Variants in TMEM87A observed in about 807,000 individuals in gnomAD.
TMEM87A encodes Golgi-pH regulating cation channel.
A neutral mutation model predicts 90.0 loss-of-function variants in TMEM87A; 50 were observed. The ratio of observed to expected loss-of-function variants is 0.56; its 90% CI spans 0.44 to 0.70. The LOEUF is 0.70. TMEM87A is among the 30% of genes least tolerant of loss of function. The pLI is 0.00. For missense variants in TMEM87A, 577 were observed against 660.5 expected (o/e 0.87, Z 1.39); for synonymous variants, 226 against 226.7 (o/e 1.00, Z 0.03).
intron 15 of TMEM87A, among the ~76,000 whole-genome samples, chr15:42,226,032 T>C (rs2050585022): frequency 6.6e-6 from 1 of 152,118 alleles, no homozygotes; most frequent in Admixed American, 6.5e-5. Flanking sequence ...AGAGGGAGTC[T>C]CGCTCTGTCA....
At chr15:42,234,012 G>C (rs1257750758) in intron 10 of TMEM87A, among the ~76,000 whole-genome samples, 1 of 151,458 alleles carries the variant, frequency 6.6e-6, no homozygotes, top group Non-Finnish European at 1.5e-5. Flanking sequence ...GAACTCCTAG[G>C]CTTAAGCGAT....
chr15:42,222,139 C>A (rs2050499756), intron 15 of TMEM87A, among the ~76,000 whole-genome samples: 1 of 152,194 alleles, frequency 6.6e-6, no homozygotes, highest in Non-Finnish European at 1.5e-5. Context: ...CAGCTCACAG[C>A]AACCTCCCCC....
At chr15:42,251,180 T>C (rs906031534) in intron 6 of TMEM87A, among the ~76,000 whole-genome samples, 21 of 152,206 alleles carry the variant, frequency 1.4e-4, no homozygotes, top group African/African-American at 2.2e-4. Flanking sequence ...TGTGATGGGT[T>C]TGAACATCCT....
intron 3 of TMEM87A, among the ~76,000 whole-genome samples, chr15:42,266,664 T>C (rs1423132281): frequency 1.3e-5 from 2 of 152,198 alleles, no homozygotes; most frequent in East Asian, 3.8e-4. Flanking sequence ...TTCTTCATAG[T>C]CACAAACTGG....
chr15:42,265,237 G>T (rs1195968913), intron 3 of TMEM87A, among the ~76,000 whole-genome samples: 1 of 152,150 alleles, frequency 6.6e-6, no homozygotes, highest in East Asian at 1.9e-4. Flanking sequence ...TAATGGGATT[G>T]CTGGGTCAAA....
chr15:42,224,875 G>A (rs1250989217), intron 15 of TMEM87A, among the ~76,000 whole-genome samples: 1 of 152,076 alleles, frequency 6.6e-6, no homozygotes, highest in Non-Finnish European at 1.5e-5. Context: ...GAGAAAGGGG[G>A]CAATGTTTTA....
intron 19 of TMEM87A, among the ~76,000 whole-genome samples, chr15:42,213,507 T>TG (rs2050329107): frequency 6.6e-6 from 1 of 152,200 alleles, no homozygotes; most frequent in Non-Finnish European, 1.5e-5. Flanking sequence ...GAAGCACAGA[T>TG]GGGACCAGTA....
intron 15 of TMEM87A, among the ~76,000 whole-genome samples, chr15:42,225,766 G>T (rs748528016): frequency 1.3e-5 from 2 of 152,140 alleles, no homozygotes; most frequent in Non-Finnish European, 2.9e-5. Context: ...CAAACTCCTG[G>T]ATTCATGTGA....
chr15:42,249,105 G>A (rs1275094677), intron 6 of TMEM87A, among the ~76,000 whole-genome samples: 1 of 152,170 alleles, frequency 6.6e-6, no homozygotes, highest in Non-Finnish European at 1.5e-5. Flanking sequence ...ATGGTAGTTT[G>A]TATTTCTGTG....
chr15:42,252,171 G>A (rs137871672), intron 6 of TMEM87A, among the ~76,000 whole-genome samples: 4 of 152,226 alleles, frequency 2.6e-5, no homozygotes, highest in Non-Finnish European at 5.9e-5. Context: ...CCTTGGCTAG[G>A]AAAGGGAAAT....
At chr15:42,268,247 G>A (rs535639440) in intron 2 of TMEM87A, among the ~76,000 whole-genome samples, 2 of 152,314 alleles carry the variant, frequency 1.3e-5, no homozygotes, top group South Asian at 4.1e-4. Context: ...CAGGTAAGCA[G>A]TTTTTAACCT....
intron 10 of TMEM87A, among the ~76,000 whole-genome samples, 196 bp downstream of exon 10, chr15:42,236,124 G>A (rs982790643): frequency 4.6e-5 from 7 of 152,156 alleles, no homozygotes; most frequent in Non-Finnish European, 1.0e-4. Flanking sequence ...TGGAAGTATG[G>A]AATATATTTG....
chr15:42,234,935 A>G (rs1425414646), intron 10 of TMEM87A, among the ~76,000 whole-genome samples: 3 of 152,172 alleles, frequency 2.0e-5, no homozygotes, highest in Non-Finnish European at 4.4e-5. Context: ...TTCATCTTAC[A>G]GACTTCTAAA....
chr15:42,224,603 T>A (rs558453408), intron 15 of TMEM87A: 1 of 152,320 alleles, frequency 6.6e-6, no homozygotes, highest in East Asian at 1.9e-4. Context: ...TTCTAGTAAA[T>A]CACTGAACAT....
chr15:42,249,707 T>C (rs183370967), intron 6 of TMEM87A, among the ~76,000 whole-genome samples: 1 of 152,320 alleles, frequency 6.6e-6, no homozygotes, highest in Admixed American at 6.5e-5. Flanking sequence ...GTGGTCAATT[T>C]TGGAATAAGT....
chr15:42,252,256 A>G (rs186749310), intron 6 of TMEM87A, among the ~76,000 whole-genome samples: 2 of 152,212 alleles, frequency 1.3e-5, no homozygotes, highest in Non-Finnish European at 2.9e-5. Context: ...GGCTGCACCC[A>G]CTGTCCAACC....
upstream of TMEM87A, chr15:42,273,445 G>T (rs1417065130): frequency 3.1e-6 from 5 of 1,609,124 alleles, no homozygotes; most frequent in Admixed American, 6.7e-5. Context: ...CCCTCTTCCG[G>T]TTCGTCCCGC....
chr15:42,261,357 G>C (rs1195590952), intron 4 of TMEM87A, 108 bp from the exon 5 acceptor site: 1 of 786,150 alleles, frequency 1.3e-6, no homozygotes, highest in South Asian at 2.2e-5. Flanking sequence ...ACCCTAACTA[G>C]TAAATATAAT....
chr15:42,235,323 C>T (rs749865858), intron 10 of TMEM87A, among the ~76,000 whole-genome samples: 14 of 152,180 alleles, frequency 9.2e-5, no homozygotes, highest in Non-Finnish European at 2.1e-4. Context: ...ATGGCGTAAG[C>T]CACCACGCCT....
Sources: allele counts gnomAD v4.1 joint callset (sites outside exome capture counted in the v4.1 genomes callset), GRCh38; gene constraint gnomAD v4.1.1; transcripts MANE v1.5; gene names NCBI Gene and HGNC (gene_info 2026-07-23, HGNC 2026-07-21).